Variants in GPR39 observed in about 807,000 individuals in gnomAD.
GPR39 encodes G protein-coupled receptor 39.
GPR39 carries 23 observed loss-of-function variants against 18.4 expected under a neutral mutation model. The observed-to-expected ratio is 1.25, with a 90% CI of 0.90 to 1.77. The LOEUF is 1.77. Ranked by LOEUF, GPR39 falls within the 40% of genes most tolerant of loss-of-function variation. The pLI, the probability that GPR39 is intolerant of heterozygous loss-of-function variation, is 0.00. For missense variants in GPR39, 647 were observed against 602.4 expected (o/e 1.07, Z -0.78); for synonymous variants, 280 against 257.9 (o/e 1.09, Z -0.82).
chr2:132,528,415 T>A (rs1480471525), intron 1 of GPR39, among the ~76,000 whole-genome samples: 2 of 152,210 alleles, frequency 1.3e-5, no homozygotes, highest in African/African-American at 4.8e-5. Flanking sequence ...CTATACAGGG[T>A]CTTTTATGGT....
intron 1 of GPR39, among the ~76,000 whole-genome samples, chr2:132,602,830 A>G (rs990229931): frequency 4.0e-5 from 6 of 151,066 alleles, no homozygotes; most frequent in African/African-American, 1.5e-4. Flanking sequence ...CCAAAACCAC[A>G]GAGATCAGAG....
At chr2:132,573,447 G>C in intron 1 of GPR39, among the ~76,000 whole-genome samples, 1 of 152,000 alleles carries the variant, frequency 6.6e-6, no homozygotes, top group African/African-American at 2.4e-5. Flanking sequence ...GCATTTTCAT[G>C]CATAGCATTT....
chr2:132,461,580 T>C (rs1680832323), intron 1 of GPR39, among the ~76,000 whole-genome samples: 1 of 152,320 alleles, frequency 6.6e-6, no homozygotes, highest in South Asian at 2.1e-4. Flanking sequence ...ATTTTCCTCA[T>C]ACATTTAGCA....
At chr2:132,522,132 CA>C (rs1292535205) in intron 1 of GPR39, among the ~76,000 whole-genome samples, 1 of 152,184 alleles carries the variant, frequency 6.6e-6, no homozygotes, top group African/African-American at 2.4e-5. Context: ...CCCTATCTGT[CA>C]AAGGCCATCC....
intron 1 of GPR39, among the ~76,000 whole-genome samples, chr2:132,515,009 T>A (rs1453031423): frequency 1.3e-5 from 2 of 152,144 alleles, no homozygotes; most frequent in African/African-American, 2.4e-5. Flanking sequence ...AACACAGTAA[T>A]ATATTTCCAA....
At chr2:132,491,374 T>G (rs1681456741) in intron 1 of GPR39, among the ~76,000 whole-genome samples, 1 of 152,140 alleles carries the variant, frequency 6.6e-6, no homozygotes, top group African/African-American at 2.4e-5. Flanking sequence ...AATTTTAATC[T>G]TGGGCCTAAT....
chr2:132,534,388 A>G (rs77011259), intron 1 of GPR39, among the ~76,000 whole-genome samples: 32,450 of 136,342 alleles, frequency 0.24, 4,201 homozygotes, highest in East Asian at 0.64. Context: ...TACACTGTTG[A>G]TGGGACTGTA....
At chr2:132,521,814 T>C (rs1017346260) in intron 1 of GPR39, among the ~76,000 whole-genome samples, 13 of 152,338 alleles carry the variant, frequency 8.5e-5, no homozygotes, top group Admixed American at 6.5e-4. Context: ...CAATTCTTCA[T>C]TTCCATTTTT....
At chr2:132,510,269 A>T (rs1679215517) in intron 1 of GPR39, among the ~76,000 whole-genome samples, 1 of 152,146 alleles carries the variant, frequency 6.6e-6, no homozygotes, top group African/African-American at 2.4e-5. Flanking sequence ...ACAAGACATG[A>T]AGTGAGCTTA....
chr2:132,497,753 A>G (rs1681674929), intron 1 of GPR39, among the ~76,000 whole-genome samples: 1 of 152,166 alleles, frequency 6.6e-6, no homozygotes, highest in Non-Finnish European at 1.5e-5. Flanking sequence ...CAGCTCAAAC[A>G]AATCTTAGCC....
At chr2:132,493,040 T>C (rs62645266) in intron 1 of GPR39, among the ~76,000 whole-genome samples, 4,994 of 118,366 alleles carry the variant, frequency 0.042, 122 homozygotes, top group Middle Eastern at 0.06. Flanking sequence ...ACCATATATA[T>C]ACCATATATA....
At chr2:132,480,622 G>A (rs1391978932) in intron 1 of GPR39, among the ~76,000 whole-genome samples, 4 of 152,274 alleles carry the variant, frequency 2.6e-5, no homozygotes, top group South Asian at 2.1e-4. Context: ...CAGGAAACTC[G>A]ATTGAAGGAG....
rs185412821 is a variant in GPR39 at position 132,577,125 on chromosome 2, G to T, written c.857-67976G>T. Among the ~76,000 whole-genome samples, 475 of 151,740 alleles carry T rather than the reference G, an allele frequency of 3.1e-3. 2 individuals are homozygous for T. Among genetic ancestry groups the T allele is most frequent in the Admixed American group, 5.8e-3 (89 of 15,258 alleles). ...AATCCCAGCACTTTGGGAGGCTGAGGTGGGGGGTATCACTTGAGCTCAGGA... is the reference window on the plus strand; with the variant it reads ...AATCCCAGCACTTTGGGAGGCTGAGTTGGGGGGTATCACTTGAGCTCAGGA... On this transcript the variant is annotated intron_variant, in intron 1 of 1. Transcript: ENST00000329321.
At chr2:132,546,079 A>G (rs1302981764) in intron 1 of GPR39, among the ~76,000 whole-genome samples, 1 of 152,230 alleles carries the variant, frequency 6.6e-6, no homozygotes, top group Non-Finnish European at 1.5e-5. Context: ...GTATTTTTCC[A>G]TCAGCATTAA....
intron 1 of GPR39, among the ~76,000 whole-genome samples, chr2:132,578,490 T>C (rs1350287765): frequency 6.6e-6 from 1 of 152,156 alleles, no homozygotes. Flanking sequence ...TGAAACCATC[T>C]GGACTTGTGG....
chr2:132,612,456 C>CT (rs1430863152), intron 1 of GPR39, among the ~76,000 whole-genome samples: 2 of 152,270 alleles, frequency 1.3e-5, no homozygotes, highest in African/African-American at 2.4e-5. Context: ...ACGTTCTATG[C>CT]TTTTTTTCTG....
intron 1 of GPR39, among the ~76,000 whole-genome samples, chr2:132,590,689 T>TGTCA (rs1558850527): frequency 6.7e-6 from 1 of 149,858 alleles, no homozygotes; most frequent in East Asian, 1.9e-4. Flanking sequence ...TCATCCTTAC[T>TGTCA]GTCAGCATGA....
intron 1 of GPR39, among the ~76,000 whole-genome samples, chr2:132,428,335 C>T (rs1354855235): frequency 6.6e-6 from 1 of 152,178 alleles, no homozygotes; most frequent in Non-Finnish European, 1.5e-5. Context: ...ATGCTGGTTC[C>T]TCCTTTCAAG....
rs60267293 is a variant in GPR39 at position 132,546,839 on chromosome 2, C to CAAAAAAAAAAA, written c.857-98246_857-98236dup. Among the ~76,000 whole-genome samples, 57 of 33,964 alleles carry CAAAAAAAAAAA rather than the reference C, an allele frequency of 1.7e-3. 6 individuals carry two copies. The highest frequency in any genetic ancestry group is 4.2e-3 in the African/African-American group (47 of 11,066). The allele number at this position is 33,964 out of a possible 152,430, so 22.3% of individuals were successfully genotyped here. A position where few individuals can be genotyped will look rare whatever the true frequency, so the allele number is the denominator to read the frequency against. On this transcript the variant is annotated intron_variant, in intron 1 of 1. Coordinates refer to ENST00000329321, the MANE Select transcript of GPR39 (RefSeq NM_001508.3). ...TCTCCAGGATGCAGTAGCTCCACAG[C>CAAAAAAAAAAA]AAAAAAAAAAAAAAAAAAAAAAAAA...
Sources: allele counts gnomAD v4.1 joint callset (sites outside exome capture counted in the v4.1 genomes callset), GRCh38; gene constraint gnomAD v4.1.1; transcripts MANE v1.5; gene names NCBI Gene and HGNC (gene_info 2026-07-23, HGNC 2026-07-21).